The following ATXN10 variants were observed in gnomAD, a reference collection of about 807,000 sequenced individuals.
The protein encoded by ATXN10 is ataxin-10.
In ATXN10, 28 loss-of-function variants were observed where a neutral mutation model predicts 52.9. The ratio of observed to expected loss-of-function variants is 0.53; its 90% confidence interval spans 0.39 to 0.73. ATXN10 has a LOEUF of 0.73. ATXN10 is among the 30% of genes least tolerant of loss of function. The probability of loss-of-function intolerance (pLI) is 0.00; values close to 1 mark genes in which losing one functional copy is unlikely to be tolerated. For missense variants in ATXN10, 565 were observed against 577.0 expected, an observed-to-expected ratio of 0.98 and a Z score of 0.21; for synonymous variants, 226 against 221.5, an observed-to-expected ratio of 1.02 and a Z score of -0.18.
In ATXN10 at chr22:45,708,453, A is replaced by C. The variant is rs554239661; in HGVS notation, c.647+5606A>C. Reference sequence around the variant, plus strand: ...TACCTATGAAAGTTAAGCAGAGTAAACCAGTCTGACAAAGGTCACACAACT... The same window carrying C: ...TACCTATGAAAGTTAAGCAGAGTAACCCAGTCTGACAAAGGTCACACAACT... On this transcript the variant is annotated intron_variant, in intron 5 of 11. Transcript: ENST00000252934. The surrounding 1 kb of genome is among the most constrained non-coding windows in gnomAD (Gnocchi z 5.3). 6.6e-6 allele frequency among the ~76,000 whole-genome samples: 1 copy of C among 152,320 alleles called. No homozygotes were observed. The highest frequency in any genetic ancestry group is 2.1e-4 in the South Asian group (1 of 4,824).
chr22:45,698,228 A>G (rs888902285), intron 3 of ATXN10, among the ~76,000 whole-genome samples: 1 of 152,284 alleles, frequency 6.6e-6, no homozygotes, highest in African/African-American at 2.4e-5. Context: ...AGACTTTTCC[A>G]TAGCAGCTGA....
At chr22:45,680,527 C>T (rs1323971544) in intron 1 of ATXN10, among the ~76,000 whole-genome samples, 9 of 152,020 alleles carry the variant, frequency 5.9e-5, no homozygotes. Flanking sequence ...AACTGTCATC[C>T]CTTTAAGGCT....
intron 3 of ATXN10, among the ~76,000 whole-genome samples, chr22:45,699,490 CTTTTTTTT>C (rs917191404): frequency 8.5e-6 from 1 of 117,286 alleles, no homozygotes; most frequent in African/African-American, 3.3e-5. Flanking sequence ...TTTTTCTTTC[CTTTTTTTT>C]TTTTTTTTTT....
In ATXN10 at chr22:45,781,519, G is replaced by A. The variant is rs772482060; in HGVS notation, c.1174-25440G>A. Among the ~76,000 whole-genome samples the A allele has an allele frequency of 2.6e-5, 4 of 152,194 alleles. No homozygotes were observed. Among genetic ancestry groups the A allele is most frequent in the Non-Finnish European group, 5.9e-5 (4 of 68,040 alleles). ...GCTAAAATAGGAGACTTAAACTTAA[G>A]ATTCAGTCTTCTCATACCACTACAC... On this transcript the variant is annotated intron_variant, in intron 9 of 11. Transcript: ENST00000252934. The surrounding 1 kb of genome is among the most constrained non-coding windows in gnomAD (Gnocchi z 4.2).
chr22:45,805,681 GC>G lies in ATXN10; in HGVS notation c.1174-1276del, dbSNP rs1352692934. On this transcript the variant is annotated intron_variant, in intron 9 of 11. Coordinates refer to ENST00000252934, the MANE Select transcript of ATXN10 (RefSeq NM_013236.4). The surrounding 1 kb of genome is among the most constrained non-coding windows in gnomAD (Gnocchi z 4.4). ...AGAGACAGGAAGTAGAAGGATAGTT[GC>G]CAAGGACTGGGGGGAGGGAAGAATA... is the stretch of plus-strand genomic sequence containing the variant. 6.6e-6 allele frequency among the ~76,000 whole-genome samples: 1 copy of G among 152,190 alleles called. No individual in the cohort carries two copies. The highest frequency in any genetic ancestry group is 6.5e-5 in the Admixed American group (1 of 15,276).
Position 45,700,305 on chromosome 22 carries a change from T to C in ATXN10, c.415T>C (p.Leu139=). The stretch of plus-strand genomic sequence containing the variant: ...AGCTTTTCGCTGTGGCCTGCAGTTT[T>C]TAGGCAACATTGCCTCACGGAATGA... ...LTAFRCGLQF[L]GNIASRNEDS... Residue 139 remains leucine (L), a synonymous_variant, in exon 4 of 12, where the codon TTA becomes CTA. Coordinates refer to ENST00000252934, the MANE Select transcript of ATXN10 (RefSeq NM_013236.4). 1 of 1,613,916 alleles carries C rather than the reference T, an allele frequency of 6.2e-7. No homozygotes were observed. Among genetic ancestry groups the C allele is most frequent in the Non-Finnish European group, 8.5e-7 (1 of 1,179,780 alleles).
rs1929320287 is a variant in ATXN10 at position 45,840,747 on chromosome 22, G to C, written c.1238-2244G>C. Among the ~76,000 whole-genome samples the C allele has an allele frequency of 2.6e-5, 4 of 152,178 alleles. No homozygotes were observed. Among genetic ancestry groups the C allele is most frequent in the Admixed American group, 2.6e-4 (4 of 15,278 alleles). ...GAGCCAACCACCCCTCTGATCTCAG[G>C]AGCTCTGAATGCATTATTGGGAATT... is the stretch of plus-strand genomic sequence containing the variant. On this transcript the variant is annotated intron_variant, in intron 10 of 11. Coordinates refer to ENST00000252934, the MANE Select transcript of ATXN10 (RefSeq NM_013236.4). This position sits in a 1 kb window ranked among gnomAD's most constrained non-coding sequence, Gnocchi z 5.8.
chr22:45,789,624 C>T lies in ATXN10; in HGVS notation c.1174-17335C>T, dbSNP rs1430288188. 1.3e-5 allele frequency among the ~76,000 whole-genome samples: 2 copies of T among 152,210 alleles called. No individual in the cohort carries two copies. Among genetic ancestry groups the T allele is most frequent in the East Asian group, 1.9e-4 (1 of 5,192 alleles). On this transcript the variant is annotated intron_variant, in intron 9 of 11. Coordinates refer to ENST00000252934, the MANE Select transcript of ATXN10 (RefSeq NM_013236.4). This position sits in a 1 kb window ranked among gnomAD's most constrained non-coding sequence, Gnocchi z 4.0. ...TAGTATGTTAATACAGCTCTCTCCACGACAAGAAGAAGAGAGGGAGAGCCT... is the reference window on the plus strand; with the variant it reads ...TAGTATGTTAATACAGCTCTCTCCATGACAAGAAGAAGAGAGGGAGAGCCT...
At chr22:45,695,819 A>G (rs1396427776) in intron 3 of ATXN10, among the ~76,000 whole-genome samples, 3 of 152,048 alleles carry the variant, frequency 2.0e-5, no homozygotes, top group Non-Finnish European at 2.9e-5. Flanking sequence ...ATTGATGTTA[A>G]TATGTGTGCT....
intron 2 of ATXN10, among the ~76,000 whole-genome samples, chr22:45,692,679 G>T (rs975787781): frequency 3.3e-5 from 5 of 152,148 alleles, no homozygotes; most frequent in African/African-American, 1.2e-4. Context: ...TACATCTTTT[G>T]CACTTTGTGT....
rs905538478 is a variant in ATXN10 at position 45,688,613 on chromosome 22, T to C, written c.117-1099T>C. Among the ~76,000 whole-genome samples the C allele has an allele frequency of 1.2e-4, 18 of 152,174 alleles. No individual in the cohort carries two copies. Among genetic ancestry groups the C allele is most frequent in the African/African-American group, 3.9e-4 (16 of 41,456 alleles). On this transcript the variant is annotated intron_variant, in intron 1 of 11. Coordinates refer to ENST00000252934, the MANE Select transcript of ATXN10 (RefSeq NM_013236.4). This position sits in a 1 kb window ranked among gnomAD's most constrained non-coding sequence, Gnocchi z 4.0. ...TCTGCCCCCGGAAAAGGGGCTTCCA[T>C]AGGTGTCTTCTGCGGCAACTGAGCA...
rs1922803453 is a variant in ATXN10, at chr22:45,678,862, C to T, written c.116+6683C>T. 6.6e-6 allele frequency: 1 copy of T among 152,166 alleles called. No individual in the cohort carries two copies. The highest frequency in any genetic ancestry group is 2.1e-4 in the South Asian group (1 of 4,826). 9.4% of individuals were successfully genotyped at this position (152,166 alleles called of 1,614,324 possible). A position where few individuals can be genotyped will look rare whatever the true frequency, so the allele number is the denominator to read the frequency against. On this transcript the variant is annotated intron_variant, in intron 1 of 11. Transcript: ENST00000252934. The surrounding 1 kb of genome is among the most constrained non-coding windows in gnomAD (Gnocchi z 4.1). ...TTAACTATGTGTAGCTTACTTTGAACTACTGACATAGGAGTAGCTCACATG... is the reference window on the plus strand; with the variant it reads ...TTAACTATGTGTAGCTTACTTTGAATTACTGACATAGGAGTAGCTCACATG...
Position 45,843,768 on chromosome 22 carries a change from G to T in ATXN10, c.*97G>T, listed in dbSNP as rs376686522. The T allele has an allele frequency of 8.6e-5, 107 of 1,244,486 alleles. No homozygotes were observed. In the East Asian group the frequency reaches 9.8e-4, roughly 11 times the overall value. The allele number at this position is 1,244,486 out of a possible 1,614,324, so 77.1% of individuals were successfully genotyped here. On this transcript the variant is annotated 3_prime_UTR_variant, in exon 12 of 12. Coordinates refer to ENST00000252934, the MANE Select transcript of ATXN10 (RefSeq NM_013236.4). The surrounding 1 kb of genome is among the most constrained non-coding windows in gnomAD (Gnocchi z 4.5). The stretch of plus-strand genomic sequence containing the variant: ...ATTGCAAGTGTTTGAAGATTTATAA[G>T]TACAAATTTGGGAACATACAAATCT...
At chr22:45,714,940 G>C (rs1330333050) in intron 5 of ATXN10, among the ~76,000 whole-genome samples, 4 of 152,280 alleles carry the variant, frequency 2.6e-5, no homozygotes, top group East Asian at 3.9e-4. Flanking sequence ...ACAGAGCACT[G>C]TCATGGCTGA....
rs1284505631 is a variant in ATXN10 at position 45,825,541 on chromosome 22, A to G, written c.1238-17450A>G. ...AGAAATAATAATAATAATGAACAGT[A>G]ACAAAAGTAGCAAACACTTTGTCTT... On this transcript the variant is annotated intron_variant, in intron 10 of 11. Coordinates refer to ENST00000252934, the MANE Select transcript of ATXN10 (RefSeq NM_013236.4). This position sits in a 1 kb window ranked among gnomAD's most constrained non-coding sequence, Gnocchi z 4.5. 6.6e-6 allele frequency among the ~76,000 whole-genome samples: 1 copy of G among 152,152 alleles called. No individual in the cohort carries two copies. Among genetic ancestry groups the G allele is most frequent in the African/African-American group, 2.4e-5 (1 of 41,388 alleles).
At position 45,718,345 on chromosome 22, in the gene ATXN10, A is replaced by C; in HGVS notation, c.648-68A>C. On this transcript the variant is annotated intron_variant, in intron 5 of 11. Transcript: ENST00000252934. This position sits in a 1 kb window ranked among gnomAD's most constrained non-coding sequence, Gnocchi z 4.4. Reference sequence around the variant, plus strand: ...TTTTGTGTGTAAGTGGTGCCTATAAAGTAGATAAGGGCATGTCTCTTTTAC... The same window carrying C: ...TTTTGTGTGTAAGTGGTGCCTATAACGTAGATAAGGGCATGTCTCTTTTAC... The C allele has an allele frequency of 8.6e-7, 1 of 1,169,410 alleles. No homozygotes were observed. The highest frequency in any genetic ancestry group is 1.3e-6 in the Non-Finnish European group (1 of 774,746). 72.4% of individuals were successfully genotyped at this position (1,169,410 alleles called of 1,614,324 possible).
In ATXN10 at chr22:45,715,319, G is replaced by A. The variant is rs1314159333; in HGVS notation, c.648-3094G>A. 1.3e-5 allele frequency among the ~76,000 whole-genome samples: 2 copies of A among 152,158 alleles called. No individual in the cohort carries two copies. The highest frequency in any genetic ancestry group is 2.4e-5 in the African/African-American group (1 of 41,442). On this transcript the variant is annotated intron_variant, in intron 5 of 11. Transcript: ENST00000252934. This position sits in a 1 kb window ranked among gnomAD's most constrained non-coding sequence, Gnocchi z 4.4. ...TTCCATTATGCCCAGAAGCAGAAGC[G>A]ATAGTTGGAGATTTTAACACCTGCT... is the stretch of plus-strand genomic sequence containing the variant.
chr22:45,792,709 T>C (rs1927557573), intron 9 of ATXN10: 1 of 375,954 alleles, frequency 2.7e-6, no homozygotes, highest in African/African-American at 2.1e-5. Context: ...TCTATTGCTT[T>C]AATTCAGTCT....
chr22:45,751,498 A>G (rs1010902952), intron 9 of ATXN10, among the ~76,000 whole-genome samples: 3 of 151,966 alleles, frequency 2.0e-5, no homozygotes, highest in African/African-American at 7.2e-5. Context: ...TTCCACTGTT[A>G]TATGTGTTTT....
Sources: gnomAD v4.1 joint callset for allele counts (sites outside exome capture counted in the v4.1 genomes callset) on GRCh38, gnomAD v4.1.1 for gene constraint, Gnocchi (gnomAD v3.1) non-coding constraint, MANE v1.5 for transcripts, NCBI Gene and HGNC (gene_info 2026-07-23, HGNC 2026-07-21) for gene names.